MAMDC2: variants seen among roughly 807,000 people sequenced by gnomAD.
MAMDC2 encodes the protein MAM domain-containing protein 2.
MAMDC2 carries 57 observed loss-of-function variants against 89.8 expected under a neutral mutation model. The ratio of observed to expected loss-of-function variants is 0.63; its 90% CI spans 0.51 to 0.79. MAMDC2 has a LOEUF of 0.79. MAMDC2 is among the 30% of genes least tolerant of loss of function. The pLI is 0.00. For synonymous variants in MAMDC2, 313 were observed against 293.4 expected (o/e 1.07, Z -0.68); for missense variants, 800 against 820.6 (o/e 0.97, Z 0.31).
intron 11 of MAMDC2, among the ~76,000 whole-genome samples, chr9:70,213,468 C>G (rs979211485): frequency 2.6e-5 from 4 of 152,052 alleles, no homozygotes; most frequent in African/African-American, 9.7e-5. Flanking sequence ...TTTCCATCTA[C>G]CATGTTACTA....
chr9:70,212,490 G>C (rs909772421), intron 11 of MAMDC2, among the ~76,000 whole-genome samples: 7 of 152,232 alleles, frequency 4.6e-5, no homozygotes, highest in Non-Finnish European at 1.0e-4. Flanking sequence ...TGCAGTATTA[G>C]AGTGGGAGTG....
chr9:70,117,546 T>C (rs562553182), intron 5 of MAMDC2, among the ~76,000 whole-genome samples: 4 of 152,094 alleles, frequency 2.6e-5, no homozygotes, highest in African/African-American at 7.2e-5. Context: ...CCATGGCACA[T>C]GTATATCTAT....
intron 2 of MAMDC2, among the ~76,000 whole-genome samples, chr9:70,049,725 G>A (rs138858097): frequency 1.3e-5 from 2 of 152,190 alleles, no homozygotes; most frequent in South Asian, 2.1e-4. Flanking sequence ...AGAGATGGTC[G>A]ACCCCAGAAA....
chr9:70,163,212 A>AGGGCTTCT (rs57669441), intron 9 of MAMDC2, among the ~76,000 whole-genome samples: 127,235 of 148,556 alleles, frequency 0.86, 54,740 homozygotes, highest in East Asian at 0.96. Context: ...CCAGGGCTTC[A>AGGGCTTCT]GGATATTTCT....
intron 6 of MAMDC2, among the ~76,000 whole-genome samples, chr9:70,128,655 A>G (rs901970425): frequency 1.4e-5 from 2 of 147,082 alleles, no homozygotes; most frequent in East Asian, 2.0e-4. Flanking sequence ...CAACCTGCAG[A>G]AAAAAAAAAA....
At chr9:70,108,568 G>GATAACTAACCTCCAT in intron 3 of MAMDC2, 86 bp downstream of exon 3, 1 of 1,218,086 alleles carries the variant, frequency 8.2e-7, no homozygotes, top group Non-Finnish European at 1.1e-6. Context: ...CTGACATGGA[G>GATAACTAACCTCCAT]GTTAGTTATC....
rs1022796576 is a variant in MAMDC2 at position 70,160,646 on chromosome 9, C to T, written c.1405-8056C>T. 4.6e-5 allele frequency among the ~76,000 whole-genome samples: 7 copies of T among 152,064 alleles called. No individual in the cohort carries two copies. The East Asian group carries it at 1.4e-3, about 29-fold the overall frequency. On this transcript the variant is annotated intron_variant, in intron 9 of 13. Transcript: ENST00000377182. ...AGCTGTGAGCATTCTTTCTGGGGGG[C>T]CTACATTTTCAGCGCAGAGCAGGGC... is the stretch of plus-strand genomic sequence containing the variant.
intron 2 of MAMDC2, chr9:70,088,799 T>C (rs774991351): frequency 3.9e-5 from 6 of 151,992 alleles, no homozygotes; most frequent in Non-Finnish European, 5.9e-5. Context: ...GGTGCACAGA[T>C]ATGGCAAAAC....
Position 70,170,721 on chromosome 9 carries a change from TTA to T in MAMDC2, c.1651+92_1651+93del, listed in dbSNP as rs2032314563. On this transcript the variant is annotated intron_variant, in intron 11 of 13. Transcript: ENST00000377182. ...TTACTGCATTTTGAAATGTGCAAAA[TTA>T]TGTCTTGTGTCTATAATGAAATGCA... The T allele has an allele frequency of 8.6e-6, 11 of 1,271,854 alleles. No individual in the cohort carries two copies. In the Admixed American group the frequency reaches 1.2e-4, roughly 14 times the overall value. 78.8% of individuals were successfully genotyped at this position (1,271,854 alleles called of 1,614,324 possible).
At chr9:70,128,373 C>T (rs890455263) in intron 6 of MAMDC2, among the ~76,000 whole-genome samples, 2 of 152,196 alleles carry the variant, frequency 1.3e-5, no homozygotes, top group Non-Finnish European at 2.9e-5. Context: ...AATTTGCCCC[C>T]TTCTCATAAG....
At chr9:70,201,678 G>C (rs1251140682) in intron 11 of MAMDC2, among the ~76,000 whole-genome samples, 2 of 117,478 alleles carry the variant, frequency 1.7e-5, no homozygotes, top group African/African-American at 7.4e-5. Flanking sequence ...GAATCCATCT[G>C]GTCCTGGACT....
chr9:70,219,333 G>A (rs2033511749), intron 12 of MAMDC2, among the ~76,000 whole-genome samples: 1 of 152,274 alleles, frequency 6.6e-6, no homozygotes, highest in Non-Finnish European at 1.5e-5. Context: ...AGATGATAAC[G>A]TTCAGATTTC....
At chr9:70,092,605 G>T (rs1031911505) in intron 2 of MAMDC2, 1 of 152,180 alleles carries the variant, frequency 6.6e-6, no homozygotes, top group South Asian at 2.1e-4. Context: ...TCAAGCTTCA[G>T]AGGCTCATGG....
At chr9:70,192,151 T>G (rs903434791) in intron 11 of MAMDC2, among the ~76,000 whole-genome samples, 2 of 152,100 alleles carry the variant, frequency 1.3e-5, no homozygotes, top group African/African-American at 4.8e-5. Context: ...TTCCATTTTT[T>G]CTTAGATCTT....
At chr9:70,174,260 A>T (rs2032432249) in intron 11 of MAMDC2, among the ~76,000 whole-genome samples, 1 of 152,332 alleles carries the variant, frequency 6.6e-6, no homozygotes, top group Admixed American at 6.5e-5. Context: ...TACTCATGAA[A>T]CACAGATGAA....
At chr9:70,191,412 T>C (rs1414637494) in intron 11 of MAMDC2, among the ~76,000 whole-genome samples, 1 of 152,274 alleles carries the variant, frequency 6.6e-6, no homozygotes, top group East Asian at 1.9e-4. Context: ...ATCATAATTA[T>C]TTACAGTACT....
chr9:70,151,175 T>G (rs187697577), intron 9 of MAMDC2, among the ~76,000 whole-genome samples: 1 of 152,336 alleles, frequency 6.6e-6, no homozygotes, highest in East Asian at 1.9e-4. Flanking sequence ...CTGGCTCCCA[T>G]GCTTTTGTCC....
In MAMDC2 at chr9:70,182,679, T is replaced by C. The variant is rs375913941; in HGVS notation, c.1651+12048T>C. 2.8e-4 allele frequency among the ~76,000 whole-genome samples: 42 copies of C among 152,334 alleles called. No individual in the cohort carries two copies. The East Asian group carries it at 7.5e-3, about 27-fold the overall frequency. ...TAGTATTCTCTGATGGTAGTTTGTA[T>C]TTCTGTAGGATCAGTTGTGATATTC... is the stretch of plus-strand genomic sequence containing the variant. On this transcript the variant is annotated intron_variant, in intron 11 of 13. Transcript: ENST00000377182.
intron 2 of MAMDC2, among the ~76,000 whole-genome samples, chr9:70,069,473 C>T (rs1307306365): frequency 1.3e-5 from 2 of 152,152 alleles, no homozygotes; most frequent in Non-Finnish European, 2.9e-5. Flanking sequence ...CAAGGCTTGT[C>T]ATTGTAAACA....
Sources: allele counts gnomAD v4.1 joint callset (sites outside exome capture counted in the v4.1 genomes callset), GRCh38; gene constraint gnomAD v4.1.1; transcripts MANE v1.5; gene names NCBI Gene and HGNC (gene_info 2026-07-23, HGNC 2026-07-21).